The following RAB38 variants were observed in gnomAD, a reference collection of about 807,000 sequenced individuals.
RAB38 encodes RAB38, member RAS oncogene family, also known as ras-related protein Rab-38.
In RAB38, 15 loss-of-function variants were observed where a neutral mutation model predicts 18.4. The ratio of observed to expected loss-of-function variants is 0.82; its 90% CI spans 0.55 to 1.26. The LOEUF (loss-of-function observed/expected upper bound fraction) is 1.26, where lower values mean the gene tolerates loss of function less well. Ranked by LOEUF, RAB38 falls within the 50% of genes most tolerant of loss-of-function variation. The pLI is 0.00. For synonymous variants in RAB38, 101 were observed against 104.4 expected (o/e 0.97, Z 0.20); for missense variants, 294 against 267.4 (o/e 1.10, Z -0.69).
chr11:88,056,136 G>T, the RAB38 span, among the ~76,000 whole-genome samples: 1 of 152,062 alleles, frequency 6.6e-6, no homozygotes. Flanking sequence ...CATCTGATTA[G>T]TATGGTAATG....
intron 2 of RAB38, among the ~76,000 whole-genome samples, chr11:88,125,036 AT>A (rs1463308169): frequency 2.0e-5 from 3 of 152,124 alleles, no homozygotes; most frequent in African/African-American, 7.2e-5. Flanking sequence ...TGACTGTAAC[AT>A]TTTACCCCAG....
the RAB38 span, among the ~76,000 whole-genome samples, chr11:87,960,379 C>CAAAAAAAAAAAAAAAAA: frequency 8.8e-6 from 1 of 113,266 alleles, no homozygotes; most frequent in Non-Finnish European, 1.9e-5. Flanking sequence ...TGGAAGACAA[C>CAAAAAAAAAAAAAAAAA]AAAAAAAAGA....
At chr11:88,156,497 T>C (rs1289458624) in intron 1 of RAB38, among the ~76,000 whole-genome samples, 1 of 151,742 alleles carries the variant, frequency 6.6e-6, no homozygotes, top group Non-Finnish European at 1.5e-5. Context: ...AGGTCAGGAG[T>C]TCGAGACTAG....
the RAB38 span, among the ~76,000 whole-genome samples, chr11:88,030,046 A>C: frequency 6.6e-6 from 1 of 152,320 alleles, no homozygotes; most frequent in South Asian, 2.1e-4. Context: ...ACCACAGTGC[A>C]ATCAAACTAG....
chr11:87,906,024 A>G, the RAB38 span, among the ~76,000 whole-genome samples: 2 of 152,014 alleles, frequency 1.3e-5, no homozygotes, highest in Non-Finnish European at 2.9e-5. Context: ...AAGCTGGGCA[A>G]TCATGAGGCT....
At chr11:88,029,984 G>T in the RAB38 span, among the ~76,000 whole-genome samples, 6 of 152,100 alleles carry the variant, frequency 3.9e-5, no homozygotes, top group African/African-American at 1.2e-4. Context: ...TGGAGGTAAA[G>T]CTCTCCTCAG....
the RAB38 span, among the ~76,000 whole-genome samples, chr11:88,017,247 A>T: frequency 6.6e-6 from 1 of 152,102 alleles, no homozygotes; most frequent in Non-Finnish European, 1.5e-5. Context: ...TGAATACTTC[A>T]TGTATGATAT....
At chr11:87,977,327 C>A in the RAB38 span, among the ~76,000 whole-genome samples, 3 of 125,602 alleles carry the variant, frequency 2.4e-5, no homozygotes, top group African/African-American at 6.3e-5. Flanking sequence ...TTATATTATA[C>A]AAGTATATTA....
At chr11:87,838,219 A>T in the RAB38 span, among the ~76,000 whole-genome samples, 99 of 151,726 alleles carry the variant, frequency 6.5e-4, no homozygotes, top group Non-Finnish European at 1.1e-3. Flanking sequence ...GGTTCATGCC[A>T]TTCTCCTGCC....
At chr11:87,914,561 A>T in the RAB38 span, among the ~76,000 whole-genome samples, 2,569 of 152,286 alleles carry the variant, frequency 0.017, 66 homozygotes, top group African/African-American at 0.059. Flanking sequence ...AGAGCATAAA[A>T]ATTGGAGAAA....
At chr11:88,012,451 C>G in the RAB38 span, among the ~76,000 whole-genome samples, 10 of 152,230 alleles carry the variant, frequency 6.6e-5, no homozygotes, top group African/African-American at 1.7e-4. Context: ...GTATATGGAA[C>G]TTACTGGATT....
At position 88,113,675 on chromosome 11, in the gene RAB38, GA is replaced by G. The variant is rs376491593; in HGVS notation, c.*312del. 2.7e-3 allele frequency: 657 copies of G among 241,890 alleles called. 27 individuals are homozygous for G. The South Asian group carries it at 0.059, about 22-fold the overall frequency. 15.0% of individuals were successfully genotyped at this position (241,890 alleles called of 1,614,324 possible). ...TTGTTCTTCTCCCCTTTTATTTTAA[GA>G]CTTGAGGCCTTTGCTGATTAAAAGA... On this transcript the variant is annotated 3_prime_UTR_variant, in exon 3 of 3. Transcript: ENST00000243662.
the RAB38 span, among the ~76,000 whole-genome samples, chr11:87,892,334 T>C: frequency 6.6e-6 from 1 of 151,854 alleles, no homozygotes; most frequent in East Asian, 2.0e-4. Context: ...AAATTTTGCC[T>C]GAAAAATATA....
the RAB38 span, among the ~76,000 whole-genome samples, chr11:87,938,619 G>GCT: frequency 1.0e-5 from 1 of 99,858 alleles, no homozygotes; most frequent in Non-Finnish European, 1.9e-5. Flanking sequence ...GCTCTTTTCC[G>GCT]TTTTTTTTTT....
chr11:87,920,066 A>G, the RAB38 span, among the ~76,000 whole-genome samples: 2 of 151,646 alleles, frequency 1.3e-5, no homozygotes, highest in African/African-American at 4.8e-5. Context: ...GGGTTTGTCA[A>G]TTTTGCTTGT....
the RAB38 span, among the ~76,000 whole-genome samples, chr11:88,029,246 G>C: frequency 6.6e-6 from 1 of 152,008 alleles, no homozygotes; most frequent in African/African-American, 2.4e-5. Context: ...ACATTGAAAG[G>C]AACAACCGGT....
chr11:88,029,234 A>G, the RAB38 span, among the ~76,000 whole-genome samples: 1 of 152,232 alleles, frequency 6.6e-6, no homozygotes, highest in East Asian at 1.9e-4. Flanking sequence ...AGGAAGTGCT[A>G]AACATTGAAA....
the RAB38 span, among the ~76,000 whole-genome samples, chr11:87,968,423 G>A: frequency 6.6e-6 from 1 of 152,158 alleles, no homozygotes; most frequent in Admixed American, 6.6e-5. Flanking sequence ...TGACTAAATT[G>A]TGGTCAAAGA....
intron 1 of RAB38, chr11:88,173,639 T>G (rs760821220): frequency 1.0e-6 from 1 of 985,418 alleles, no homozygotes; most frequent in Non-Finnish European, 1.2e-6. Flanking sequence ...TTTCTAAATC[T>G]GAATCCTGAG....
Sources: allele counts gnomAD v4.1 joint callset (sites outside exome capture counted in the v4.1 genomes callset), GRCh38; gene constraint gnomAD v4.1.1; transcripts MANE v1.5; gene names NCBI Gene and HGNC (gene_info 2026-07-23, HGNC 2026-07-21).